Variants in MUC12 observed in about 807,000 individuals in gnomAD.
MUC12 encodes the protein mucin-12.
In MUC12, 172 loss-of-function variants were observed where a neutral mutation model predicts 230.8. The observed-to-expected ratio is 0.75, with a 90% CI of 0.66 to 0.85. The LOEUF is 0.85. Among genes scored for constraint, MUC12 ranks in the 40% least tolerant of loss-of-function variants. The probability of loss-of-function intolerance (pLI) is 0.00; values close to 1 mark genes in which losing one functional copy is unlikely to be tolerated. For missense variants in MUC12, 3,506 were observed against 5,920.6 expected (o/e 0.59, Z 13.38); for synonymous variants, 1,259 against 2,401.9 (o/e 0.52, Z 13.91).
In MUC12 at chr7:100,991,031, G is replaced by T; in HGVS notation, c.468G>T (p.Thr156=). 1 of 1,537,584 alleles carries T rather than the reference G, an allele frequency of 6.5e-7. No individual in the cohort carries two copies. The highest frequency in any genetic ancestry group is 8.7e-7 in the Non-Finnish European group (1 of 1,146,986). ...SPDRTLSPAR[T]TSSGVSEKST... ...ACAGAACACTCTCACCTGCCCGCAC[G>T]ACAAGCTCAGGCGTCAGTGAAAAAT... Residue 156 remains threonine, a synonymous_variant, in exon 2 of 12, where the codon ACG becomes ACT. Coordinates refer to ENST00000536621, the MANE Select transcript of MUC12 (RefSeq NM_001164462.2).
At chr7:100,978,150 C>G (rs1036949602) in intron 1 of MUC12, among the ~76,000 whole-genome samples, 2 of 152,160 alleles carry the variant, frequency 1.3e-5, no homozygotes, top group East Asian at 3.8e-4. Flanking sequence ...TGCGCGATAC[C>G]ATGCTTTAGC....
chr7:100,972,013 G>C, intron 1 of MUC12: 1 of 700,902 alleles, frequency 1.4e-6, no homozygotes, highest in South Asian at 1.5e-5. Context: ...TCTATCTATG[G>C]CCAGTGCAGA....
intron 1 of MUC12, 52 bp downstream of exon 1, chr7:100,969,741 G>T: frequency 3.3e-6 from 5 of 1,536,116 alleles, no homozygotes; most frequent in Non-Finnish European, 4.4e-6. Flanking sequence ...GGTGGTAATA[G>T]TACATGCCCC....
intron 1 of MUC12, chr7:100,973,025 G>A (rs1792941129): frequency 1.4e-6 from 1 of 702,728 alleles, no homozygotes; most frequent in African/African-American, 1.7e-5. Flanking sequence ...ATGTTTGCTG[G>A]GGAGAGTGTG....
intron 1 of MUC12, among the ~76,000 whole-genome samples, chr7:100,986,328 G>T (rs1244662163): frequency 6.6e-6 from 1 of 151,498 alleles, no homozygotes; most frequent in Non-Finnish European, 1.5e-5. Context: ...CTAGAAGTAG[G>T]ATGGTGATAT....
Position 100,991,324 on chromosome 7 carries a change from G to A in MUC12, c.761G>A (p.Ser254Asn). 16 of 1,537,730 alleles carry A rather than the reference G, an allele frequency of 1.0e-5. No individual in the cohort carries two copies. The highest frequency in any genetic ancestry group is 1.3e-5 in the Non-Finnish European group (15 of 1,147,026). ...GLLEASTPVHSSTGSPHTTLS... is the reference protein window; with the variant it reads ...GLLEASTPVHNSTGSPHTTLS... ...CTTGAAGCATCTACGCCCGTCCACA[G>A]CAGCACTGGATCGCCACACACAACA... Residue 254 changes from serine to asparagine, a missense_variant, in exon 2 of 12, where the codon AGC becomes AAC. Ser to Asn is a conservative substitution (Grantham distance 46, BLOSUM62 1). Coordinates refer to ENST00000536621, the MANE Select transcript of MUC12 (RefSeq NM_001164462.2).
In MUC12 at chr7:101,005,040, A is replaced by G. The variant is rs762316489; in HGVS notation, c.14477A>G (p.His4826Arg). 3 of 1,537,786 alleles carry G rather than the reference A, an allele frequency of 2.0e-6. No homozygotes were observed. Among genetic ancestry groups the G allele is most frequent in the East Asian group, 2.4e-5 (1 of 40,916 alleles). The change falls in exon 2 of 12, where the codon CAT becomes CGT. Residue 4826 changes from histidine to arginine, a missense_variant. By Grantham distance (29) the His-to-Arg change is conservative. Coordinates refer to ENST00000536621, the MANE Select transcript of MUC12 (RefSeq NM_001164462.2). ...SSFAQEFTTPHSQPGSALSTV... is the reference protein window; with the variant it reads ...SSFAQEFTTPRSQPGSALSTV... ...TTTGCTCAAGAATTTACCACCCCTC[A>G]TAGCCAACCAGGCTCAGCTCTGTCA...
At chr7:100,984,208 C>T (rs1331975875) in intron 1 of MUC12, among the ~76,000 whole-genome samples, 4 of 151,440 alleles carry the variant, frequency 2.6e-5, no homozygotes, top group Admixed American at 6.6e-5. Context: ...GAGGGGAGAG[C>T]GGACTGATCT....
At position 101,018,746 on chromosome 7, in the gene MUC12, AAGCCGGTCCTGCTCTG is replaced by A; in HGVS notation, c.*114_*129del. ...AAGAGGAGACCGAAGTCAGGCCCTGAAGCCGGTCCTGCTCTGAGCTGACAGACTTGGCCAGTCCCCT... is the reference window on the plus strand; with the variant it reads ...AAGAGGAGACCGAAGTCAGGCCCTGAAGCTGACAGACTTGGCCAGTCCCCT... On this transcript the variant is annotated 3_prime_UTR_variant, in exon 12 of 12. Coordinates refer to ENST00000536621, the MANE Select transcript of MUC12 (RefSeq NM_001164462.2). The A allele has an allele frequency of 8.8e-7, 1 of 1,140,852 alleles. No individual in the cohort carries two copies. Among genetic ancestry groups the A allele is most frequent in the Non-Finnish European group, 1.2e-6 (1 of 822,656 alleles). 70.7% of individuals were successfully genotyped at this position (1,140,852 alleles called of 1,614,324 possible). A position where few individuals can be genotyped will look rare whatever the true frequency, so the allele number is the denominator to read the frequency against.
At chr7:100,978,383 G>A (rs1362511247) in intron 1 of MUC12, among the ~76,000 whole-genome samples, 1 of 152,188 alleles carries the variant, frequency 6.6e-6, no homozygotes. Flanking sequence ...CTAGAACTGG[G>A]GGACCCCAGC....
chr7:100,992,356 C>A lies in MUC12; in HGVS notation c.1793C>A (p.Ala598Asp), dbSNP rs557849554. The change falls in exon 2 of 12, where the codon GCC becomes GAC. Residue 598 changes from alanine to aspartate, a missense_variant. Transcript: ENST00000536621. ...ETTLLPDNTT[A>D]SGLLEASMPV... ...ACACTCTTACCTGACAACACCACAG[C>A]CTCAGGACTCCTTGAAGCATCTATG... 4 of 1,536,714 alleles carry A rather than the reference C, an allele frequency of 2.6e-6. No individual in the cohort carries two copies. Among genetic ancestry groups the A allele is most frequent in the Non-Finnish European group, 2.6e-6 (3 of 1,146,040 alleles).
At chr7:100,971,287 T>C (rs1792887073) in intron 1 of MUC12, among the ~76,000 whole-genome samples, 1 of 152,300 alleles carries the variant, frequency 6.6e-6, no homozygotes, top group African/African-American at 2.4e-5. Flanking sequence ...TCTGACCCGC[T>C]GATTTCCCTC....
chr7:100,995,561 C>G lies in MUC12; in HGVS notation c.4998C>G (p.Ser1666Arg). The G allele has an allele frequency of 6.5e-7, 1 of 1,536,654 alleles. No individual in the cohort carries two copies. Among genetic ancestry groups the G allele is most frequent in the Non-Finnish European group, 8.7e-7 (1 of 1,146,980 alleles). The change falls in exon 2 of 12, where the codon AGC becomes AGG. Residue 1666 changes from serine (S) to arginine (R), a missense_variant. Coordinates refer to ENST00000536621, the MANE Select transcript of MUC12 (RefSeq NM_001164462.2). Reference sequence around the variant, plus strand: ...AAGCATCTACGCCCGTCCACAGCAGCACTGGATCGCCACACACAACACTGT... The same window carrying G: ...AAGCATCTACGCCCGTCCACAGCAGGACTGGATCGCCACACACAACACTGT... The part of the protein sequence containing the change: ...LLEASTPVHS[S>R]TGSPHTTLSP...
chr7:100,970,384 G>T (rs1166736259), intron 1 of MUC12, among the ~76,000 whole-genome samples: 1 of 151,906 alleles, frequency 6.6e-6, no homozygotes, highest in Non-Finnish European at 1.5e-5. Flanking sequence ...CTACTTGGGA[G>T]GCTGAGGCAG....
rs955878214 is a variant in MUC12, at chr7:100,981,582, G to A, written c.68-9049G>A. The A allele has an allele frequency of 1.8e-5, 8 of 440,328 alleles. No individual in the cohort carries two copies. The South Asian group carries it at 2.6e-4, about 14-fold the overall frequency. 27.3% of individuals were successfully genotyped at this position (440,328 alleles called of 1,614,324 possible). The stretch of plus-strand genomic sequence containing the variant: ...AGCTGGATAAGATGGATGGGGATTC[G>A]GTCACTTAGAGCTCAAGCTTGGTGT... On this transcript the variant is annotated intron_variant, in intron 1 of 11. Coordinates refer to ENST00000536621, the MANE Select transcript of MUC12 (RefSeq NM_001164462.2).
intron 5 of MUC12, among the ~76,000 whole-genome samples, chr7:101,011,213 G>A (rs1425433530): frequency 6.6e-6 from 1 of 152,048 alleles, no homozygotes; most frequent in Non-Finnish European, 1.5e-5. Context: ...AGAGGGTCCC[G>A]GTGCCCCAAC....
intron 1 of MUC12, among the ~76,000 whole-genome samples, chr7:100,983,493 C>T (rs1294806787): frequency 6.6e-6 from 1 of 151,848 alleles, no homozygotes; most frequent in Non-Finnish European, 1.5e-5. Context: ...TATTTGGTAA[C>T]TAAGAAAAAG....
intron 1 of MUC12, 84 bp downstream of exon 1, chr7:100,969,773 A>C: frequency 2.6e-6 from 4 of 1,525,484 alleles, no homozygotes; most frequent in Non-Finnish European, 3.5e-6. Flanking sequence ...GCAGGGCTGC[A>C]GGTGGCCTCC....
chr7:101,003,039 A>T lies in MUC12; in HGVS notation c.12476A>T (p.Glu4159Val). 1 of 1,179,736 alleles carries T rather than the reference A, an allele frequency of 8.5e-7. No individual in the cohort carries two copies. The highest frequency in any genetic ancestry group is 1.2e-6 in the Non-Finnish European group (1 of 850,720). 73.1% of individuals were successfully genotyped at this position (1,179,736 alleles called of 1,614,324 possible). The change falls in exon 2 of 12, where the codon GAA becomes GTA. Residue 4159 changes from glutamate (E) to valine (V), a missense_variant. Coordinates refer to ENST00000536621, the MANE Select transcript of MUC12 (RefSeq NM_001164462.2). ...TCTGCAACCTCAGTTCTTGTTGGAG[A>T]ACCTACAACGTCACCCATCAGTTCA... is the stretch of plus-strand genomic sequence containing the variant. Reference protein sequence around the residue: ...TRSATSVLVGEPTTSPISSGS... With the variant: ...TRSATSVLVGVPTTSPISSGS...
Sources: allele counts gnomAD v4.1 joint callset (sites outside exome capture counted in the v4.1 genomes callset), GRCh38; gene constraint gnomAD v4.1.1; transcripts MANE v1.5; gene names NCBI Gene and HGNC (gene_info 2026-07-23, HGNC 2026-07-21).